The following PSD3 variants were observed in gnomAD, a reference collection of about 807,000 sequenced individuals.
PSD3 encodes the protein pleckstrin and Sec7 domain containing 3, also known as PH and SEC7 domain-containing protein 3.
A neutral mutation model predicts 105.5 loss-of-function variants in PSD3; 49 were observed. That is an observed-to-expected ratio of 0.46 (90% CI 0.37 to 0.59). The LOEUF is 0.59. Among genes scored for constraint, PSD3 ranks in the 20% least tolerant of loss-of-function variants. PSD3 has a pLI of 0.00. For missense variants in PSD3, 1,561 were observed against 1,263.8 expected (o/e 1.24, Z -3.57); for synonymous variants, 557 against 457.8 (o/e 1.22, Z -2.77).
chr8:18,801,023 T>C (rs1355623565), intron 7 of PSD3: 5 of 292,524 alleles, frequency 1.7e-5, no homozygotes, highest in African/African-American at 6.6e-5. Flanking sequence ...TTAAATATTA[T>C]GCTTTTAAAG....
intron 1 of PSD3, among the ~76,000 whole-genome samples, chr8:19,004,878 G>A (rs895656237): frequency 1.3e-5 from 2 of 152,032 alleles, no homozygotes; most frequent in African/African-American, 2.4e-5. Flanking sequence ...TTTGCCTGCT[G>A]CCATACATGT....
intron 1 of PSD3, among the ~76,000 whole-genome samples, chr8:19,041,328 C>T (rs1051607818): frequency 6.6e-6 from 1 of 152,186 alleles, no homozygotes. Flanking sequence ...GAGCTAATAT[C>T]CTATCTATGG....
At chr8:18,770,909 T>C (rs1266217831) in intron 8 of PSD3, among the ~76,000 whole-genome samples, 2 of 152,128 alleles carry the variant, frequency 1.3e-5, no homozygotes, top group Non-Finnish European at 2.9e-5. Context: ...AATTGGAGGA[T>C]GGTAAATGCA....
intron 1 of PSD3, among the ~76,000 whole-genome samples, chr8:19,010,908 G>A (rs1385799187): frequency 6.6e-6 from 1 of 151,540 alleles, no homozygotes; most frequent in Non-Finnish European, 1.5e-5. Context: ...TGGCCCAGAC[G>A]GTCCGGGAAG....
At chr8:19,017,553 C>A (rs77758289), upstream of PSD3, among the ~76,000 whole-genome samples, 3 of 152,152 alleles carry the variant, frequency 2.0e-5, no homozygotes, top group African/African-American at 7.2e-5. Context: ...CATTGGCGGT[C>A]GCTCCTCTTT....
chr8:18,905,976 T>C (rs765517169), intron 2 of PSD3, among the ~76,000 whole-genome samples: 3 of 152,210 alleles, frequency 2.0e-5, no homozygotes, highest in Admixed American at 2.0e-4. Context: ...CAAAAACAAT[T>C]ATAACAATAT....
At chr8:18,566,844 A>T (rs1277939344) in intron 14 of PSD3, among the ~76,000 whole-genome samples, 1 of 152,202 alleles carries the variant, frequency 6.6e-6, no homozygotes, top group Non-Finnish European at 1.5e-5. Flanking sequence ...CATTTTTAAA[A>T]ATTATGCATT....
At chr8:18,643,175 A>C (rs1807776410) in intron 10 of PSD3, among the ~76,000 whole-genome samples, 1 of 152,146 alleles carries the variant, frequency 6.6e-6, no homozygotes. Context: ...ACATCATCCC[A>C]TTGTGGAAGG....
chr8:18,663,874 C>T (rs1040711230), intron 9 of PSD3, among the ~76,000 whole-genome samples: 2 of 152,080 alleles, frequency 1.3e-5, no homozygotes, highest in African/African-American at 4.8e-5. Flanking sequence ...CATTTTTTTC[C>T]AGCAGCACAG....
chr8:18,890,289 T>A (rs1010142792), intron 2 of PSD3, among the ~76,000 whole-genome samples: 1 of 152,066 alleles, frequency 6.6e-6, no homozygotes. Context: ...GGTTCTTAGA[T>A]CTTGAAAAAA....
intron 9 of PSD3, 86 bp from the exon 10 acceptor site, chr8:18,655,771 T>A (rs1808841967): frequency 7.5e-7 from 1 of 1,330,688 alleles, no homozygotes; most frequent in African/African-American, 1.5e-5. Context: ...AATTCCTTCA[T>A]AAAAGGATAG....
chr8:18,570,678 T>G (rs1802073165), intron 14 of PSD3, among the ~76,000 whole-genome samples: 1 of 149,782 alleles, frequency 6.7e-6, no homozygotes, highest in South Asian at 2.1e-4. Context: ...GAACAGACAC[T>G]TCTCAAAAGA....
intron 9 of PSD3, among the ~76,000 whole-genome samples, chr8:18,749,431 G>C (rs747759566): frequency 6.6e-6 from 1 of 152,222 alleles, no homozygotes; most frequent in African/African-American, 2.4e-5. Flanking sequence ...TATTTTATAC[G>C]TAATTCCGCA....
At chr8:18,599,003 C>G (rs1804240108) in intron 12 of PSD3, among the ~76,000 whole-genome samples, 1 of 151,702 alleles carries the variant, frequency 6.6e-6, no homozygotes, top group African/African-American at 2.4e-5. Context: ...CAATAAAATC[C>G]CTGTGAATAT....
chr8:18,699,628 T>C (rs1158723831), intron 9 of PSD3, among the ~76,000 whole-genome samples: 2 of 152,218 alleles, frequency 1.3e-5, no homozygotes, highest in Non-Finnish European at 2.9e-5. Context: ...GGAATGTCTG[T>C]CATTTCTGGT....
intron 1 of PSD3, among the ~76,000 whole-genome samples, chr8:19,048,268 C>T (rs1828394866): frequency 6.6e-6 from 1 of 152,158 alleles, no homozygotes; most frequent in Non-Finnish European, 1.5e-5. Context: ...CTCCCACAGG[C>T]TGCAGAGTCC....
intron 11 of PSD3, among the ~76,000 whole-genome samples, chr8:18,604,304 T>C (rs532453169): frequency 6.6e-6 from 1 of 152,144 alleles, no homozygotes; most frequent in African/African-American, 2.4e-5. Context: ...CCAAAGAACA[T>C]GGCTTGCACT....
intron 15 of PSD3, among the ~76,000 whole-genome samples, chr8:18,550,332 C>T (rs1464176283): frequency 6.6e-6 from 1 of 152,182 alleles, no homozygotes; most frequent in East Asian, 1.9e-4. Context: ...GCTCTTAGTC[C>T]TCTTTCATTA....
intron 1 of PSD3, among the ~76,000 whole-genome samples, chr8:18,959,739 C>G (rs1353435931): frequency 6.6e-6 from 1 of 152,174 alleles, no homozygotes; most frequent in Non-Finnish European, 1.5e-5. Context: ...CAGCCAGTCA[C>G]TGGCACAGCT....
Sources: allele counts gnomAD v4.1 joint callset (sites outside exome capture counted in the v4.1 genomes callset), GRCh38; gene constraint gnomAD v4.1.1; transcripts MANE v1.5; gene names NCBI Gene and HGNC (gene_info 2026-07-23, HGNC 2026-07-21).